The following RPS6KA6 variants were observed in gnomAD, a reference collection of about 807,000 sequenced individuals.
The protein encoded by RPS6KA6 is ribosomal protein S6 kinase alpha-6.
Under a neutral mutation model 65.4 loss-of-function variants are expected in RPS6KA6, and 27 were observed. That is an observed-to-expected ratio of 0.41 (90% confidence interval 0.30 to 0.57). The LOEUF (loss-of-function observed/expected upper bound fraction) is 0.57. Ranked by LOEUF, RPS6KA6 falls within the 20% of genes least tolerant of loss-of-function variation. RPS6KA6 has a pLI of 0.24. For missense variants in RPS6KA6, 486 were observed against 555.6 expected (o/e 0.87, Z 1.26); for synonymous variants, 190 against 184.2 (o/e 1.03, Z -0.26).
chrX:84,143,832 T>C (rs1221594683), intron 6 of RPS6KA6, among the ~76,000 whole-genome samples: 3 of 111,491 alleles, frequency 2.7e-5, no homozygotes, highest in Middle Eastern at 4.6e-3. Flanking sequence ...GTCATAAAGA[T>C]AGACAAATGG....
chrX:84,095,936 AT>A (rs2147401357), intron 20 of RPS6KA6, among the ~76,000 whole-genome samples: 1 of 112,128 alleles, frequency 8.9e-6, no homozygotes, highest in African/African-American at 3.2e-5. Flanking sequence ...CAAAATTTAC[AT>A]TTTTGGTTTT....
intron 19 of RPS6KA6, 38 bp from the exon 20 acceptor site, chrX:84,096,349 A>AACAT (rs772397067): frequency 1.6e-6 from 1 of 611,809 alleles, no homozygotes; most frequent in Non-Finnish European, 2.4e-6. Context: ...ACTAGAGGGT[A>AACAT]ACATACCCAA....
At chrX:84,136,607 G>A (rs1457671749) in intron 6 of RPS6KA6, among the ~76,000 whole-genome samples, 2 of 110,966 alleles carry the variant, frequency 1.8e-5, no homozygotes, top group Non-Finnish European at 3.8e-5. Flanking sequence ...AAGCTAATAC[G>A]TAAGAAAACC....
intron 8 of RPS6KA6, among the ~76,000 whole-genome samples, chrX:84,131,568 G>A (rs185477540): frequency 9.0e-6 from 1 of 111,599 alleles, no homozygotes; most frequent in Non-Finnish European, 1.9e-5. Flanking sequence ...CAGAGAGAAG[G>A]GGGGAGAGAA....
At position 84,166,089 on chromosome X, in the gene RPS6KA6, C is replaced by T. The variant is rs190894037; in HGVS notation, c.82-1702G>A. ...TACTGAACTACAATACCAATAATTG[C>T]TCGTCTCAGACTAACCACTGAATTA... On this transcript the variant is annotated intron_variant, in intron 1 of 21. Transcript: ENST00000262752. 2.1e-4 allele frequency among the ~76,000 whole-genome samples: 24 copies of T among 112,228 alleles called. No homozygotes were observed. The Middle Eastern group carries it at 0.014, about 64-fold the overall frequency.
In RPS6KA6 at chrX:84,064,167, A is replaced by T; in HGVS notation, c.*110T>A. The T allele has an allele frequency of 1.1e-6, 1 of 873,595 alleles. No homozygotes were observed. Among genetic ancestry groups the T allele is most frequent in the Non-Finnish European group, 1.6e-6 (1 of 637,701 alleles). 72.0% of individuals were successfully genotyped at this position (873,595 alleles called of 1,213,427 possible). ...CCCCTAAAAATGGGGATTTAATATTACTTAATATTCAAGTAATTTAGCAGA... is the reference window on the plus strand; with the variant it reads ...CCCCTAAAAATGGGGATTTAATATTTCTTAATATTCAAGTAATTTAGCAGA... On this transcript the variant is annotated 3_prime_UTR_variant, in exon 22 of 22. Transcript: ENST00000262752.
intron 20 of RPS6KA6, among the ~76,000 whole-genome samples, chrX:84,076,006 T>C (rs899585235): frequency 8.9e-6 from 1 of 112,065 alleles, no homozygotes; most frequent in Non-Finnish European, 1.9e-5. Flanking sequence ...CAGTGGTTAA[T>C]AGCAGATATT....
Position 84,061,890 on chromosome X carries a change from A to AT in RPS6KA6, c.*2386dup. 9.0e-6 allele frequency: 1 copy of AT among 111,640 alleles called. No individual in the cohort carries two copies. Among genetic ancestry groups the AT allele is most frequent in the Admixed American group, 9.5e-5 (1 of 10,483 alleles). The allele number at this position is 111,640 out of a possible 1,213,427, so 9.2% of individuals were successfully genotyped here. Reference sequence around the variant, plus strand: ...TCAATCCAAATCTGCATTTTTGGCTATGGAGTTCTAGCCAAACTGGACAGG... The same window carrying AT: ...TCAATCCAAATCTGCATTTTTGGCTATTGGAGTTCTAGCCAAACTGGACAGG... On this transcript the variant is annotated 3_prime_UTR_variant, in exon 22 of 22. Coordinates refer to ENST00000262752, the MANE Select transcript of RPS6KA6 (RefSeq NM_014496.5).
chrX:84,119,868 C>A lies in RPS6KA6; in HGVS notation c.789+17G>T. The A allele has an allele frequency of 8.8e-7, 1 of 1,132,000 alleles. No homozygotes were observed. The highest frequency in any genetic ancestry group is 1.2e-6 in the Non-Finnish European group (1 of 854,778). 93.3% of individuals were successfully genotyped at this position (1,132,000 alleles called of 1,213,427 possible). ...CAATCACAGGTTGGCATAATTAAAACAAATAATGCTACTTACCATAAGAAC... is the reference window on the plus strand; with the variant it reads ...CAATCACAGGTTGGCATAATTAAAAAAAATAATGCTACTTACCATAAGAAC... On this transcript the variant is annotated intron_variant, in intron 9 of 21. Coordinates refer to ENST00000262752, the MANE Select transcript of RPS6KA6 (RefSeq NM_014496.5).
At chrX:84,134,690 A>C in intron 8 of RPS6KA6, 92 bp downstream of exon 8, 1 of 564,059 alleles carries the variant, frequency 1.8e-6, no homozygotes, top group Non-Finnish European at 2.8e-6. Flanking sequence ...TCAAATTCAG[A>C]AAGAGAAAAA....
Position 84,117,055 on chromosome X carries a change from A to C in RPS6KA6, c.949+5T>G. 2 of 1,108,586 alleles carry C rather than the reference A, an allele frequency of 1.8e-6. No individual in the cohort carries two copies. Among genetic ancestry groups the C allele is most frequent in the Non-Finnish European group, 2.4e-6 (2 of 817,409 alleles). The allele number at this position is 1,108,586 out of a possible 1,213,427, so 91.4% of individuals were successfully genotyped here. On this transcript the variant is annotated splice_donor_5th_base_variant and intron_variant, in intron 11 of 21. Transcript: ENST00000262752. ...TTCTATAAAAGCTAAGAAAATAAGCAATACCCAATCTATTTGCTGGATTCC... is the reference window on the plus strand; with the variant it reads ...TTCTATAAAAGCTAAGAAAATAAGCCATACCCAATCTATTTGCTGGATTCC...
In RPS6KA6 at chrX:84,119,931, C is replaced by T. The variant is rs960023967; in HGVS notation, c.743G>A (p.Arg248Lys). The T allele has an allele frequency of 1.1e-5, 13 of 1,195,048 alleles. No homozygotes were observed. Among genetic ancestry groups the T allele is most frequent in the Non-Finnish European group, 1.5e-5 (13 of 884,731 alleles). ...EYMAPEVVNR[R>K]GHSQSADWWS... ...CCAATCAGCACTCTGGGAATGGCCT[C>T]TCCTATTTACTACTTCAGGAGCCAT... Residue 248 changes from arginine (R) to lysine (K), a missense_variant, in exon 9 of 22, where the codon AGA becomes AAA. Arg to Lys is a conservative substitution (Grantham distance 26, BLOSUM62 2). Around this residue, in one of 3 missense-constraint regions of RPS6KA6, gnomAD observed 345 missense variants for 375.0 expected, o/e 0.92. Coordinates refer to ENST00000262752, the MANE Select transcript of RPS6KA6 (RefSeq NM_014496.5).
intron 20 of RPS6KA6, among the ~76,000 whole-genome samples, chrX:84,073,769 T>C (rs1006292973): frequency 6.3e-5 from 7 of 110,358 alleles, no homozygotes; most frequent in Admixed American, 1.9e-4. Context: ...ATCCAATAGG[T>C]ATATGGAAAA....
At chrX:84,178,660 C>T (rs1452949311) in intron 1 of RPS6KA6, among the ~76,000 whole-genome samples, 4 of 111,042 alleles carry the variant, frequency 3.6e-5, no homozygotes, top group Admixed American at 1.9e-4. Context: ...TGATATAGTA[C>T]AAAGGCAATT....
chrX:84,180,893 C>A (rs920005800), intron 1 of RPS6KA6, among the ~76,000 whole-genome samples: 1 of 111,527 alleles, frequency 9.0e-6, no homozygotes, highest in African/African-American at 3.3e-5. Flanking sequence ...GACGTATTTC[C>A]TACTAACTTG....
rs1226267407 is a variant in RPS6KA6, at chrX:84,064,268, C to A, written c.*9G>T. The stretch of plus-strand genomic sequence containing the variant: ...CTTCATCCAGTTTGGCCTAGGAACA[C>A]CACAAATCTTACAGGCCAGTTGATG... On this transcript the variant is annotated 3_prime_UTR_variant, in exon 22 of 22. Coordinates refer to ENST00000262752, the MANE Select transcript of RPS6KA6 (RefSeq NM_014496.5). 4 of 1,206,302 alleles carry A rather than the reference C, an allele frequency of 3.3e-6. No individual in the cohort carries two copies. The highest frequency in any genetic ancestry group is 4.5e-6 in the Non-Finnish European group (4 of 892,957).
At chrX:84,174,097 T>C (rs370419959) in intron 1 of RPS6KA6, among the ~76,000 whole-genome samples, 28 of 112,280 alleles carry the variant, frequency 2.5e-4, no homozygotes, top group Non-Finnish European at 1.9e-4. Context: ...GTTTGTTTTT[T>C]TGGATTCACC....
chrX:84,064,765 G>A (rs1046513307), intron 21 of RPS6KA6, among the ~76,000 whole-genome samples: 2 of 111,469 alleles, frequency 1.8e-5, no homozygotes, highest in African/African-American at 6.5e-5. Context: ...AGCACGGCAG[G>A]TACAATCAAG....
rs138873048 is a variant in RPS6KA6 at position 84,089,657 on chromosome X, T to C, written c.1971+6537A>G. Among the ~76,000 whole-genome samples, 760 of 110,932 alleles carry C rather than the reference T, an allele frequency of 6.9e-3. 3 individuals are homozygous for C. The highest frequency in any genetic ancestry group is 0.012 in the Non-Finnish European group (644 of 52,934). ...AAGATCCATGGGAGAAGCACGGTTC[T>C]CTAGGTGGGGTCACACAATCGCTCA... On this transcript the variant is annotated intron_variant, in intron 20 of 21. Coordinates refer to ENST00000262752, the MANE Select transcript of RPS6KA6 (RefSeq NM_014496.5).
Sources: allele counts gnomAD v4.1 joint callset (sites outside exome capture counted in the v4.1 genomes callset), GRCh38; gene constraint gnomAD v4.1.1; regional missense constraint gnomAD v4.1.1; transcripts MANE v1.5; gene names NCBI Gene and HGNC (gene_info 2026-07-23, HGNC 2026-07-21).